Variants in AMPD1 observed in about 807,000 individuals in gnomAD.
AMPD1 encodes adenosine monophosphate deaminase 1, also known as AMP deaminase 1.
Under a neutral mutation model 82.9 loss-of-function variants are expected in AMPD1, and 74 were observed. That is an observed-to-expected ratio of 0.89 (90% CI 0.74 to 1.08). AMPD1 has a LOEUF of 1.08. Among genes scored for constraint, AMPD1 ranks in the 50% least tolerant of loss-of-function variants. The probability of loss-of-function intolerance (pLI) is 0.00; values close to 1 mark genes in which losing one functional copy is unlikely to be tolerated. For synonymous variants in AMPD1, 333 were observed against 320.5 expected, an observed-to-expected ratio of 1.04 and a Z score of -0.42; for missense variants, 881 against 924.5, an observed-to-expected ratio of 0.95 and a Z score of 0.61.
intron 4 of AMPD1, 42 bp from the exon 5 acceptor site, chr1:114,684,406 C>T (rs769079329): frequency 2.7e-5 from 44 of 1,605,260 alleles, no homozygotes; most frequent in East Asian, 6.7e-5. Flanking sequence ...GTCAATCCCA[C>T]GAAAAACTGA....
chr1:114,679,428 T>C (rs890738273), intron 7 of AMPD1, 151 bp downstream of exon 7: 2 of 1,154,276 alleles, frequency 1.7e-6, no homozygotes, highest in East Asian at 2.4e-5. Context: ...CCCTAACCCA[T>C]TGGACATAAT....
rs1346874985 is a variant in AMPD1, at chr1:114,680,492, A to G, written c.548-14T>C. 1 of 1,608,622 alleles carries G rather than the reference A, an allele frequency of 6.2e-7. No homozygotes were observed. Among genetic ancestry groups the G allele is most frequent in the African/African-American group, 1.3e-5 (1 of 74,792 alleles). ...GAGGAGTAAAGACTTTTTCAATCAA[A>G]CACAGAGTAATATATTAGCACATAG... is the stretch of plus-strand genomic sequence containing the variant. On this transcript the variant is annotated splice_polypyrimidine_tract_variant and intron_variant, in intron 5 of 15. Coordinates refer to ENST00000520113, the MANE Select transcript of AMPD1 (RefSeq NM_000036.3).
chr1:114,688,766 T>C (rs1570852966), intron 2 of AMPD1, 25 bp from the exon 3 acceptor site: 1 of 1,613,836 alleles, frequency 6.2e-7, no homozygotes. Flanking sequence ...CACATATTAG[T>C]GTTCAAGCCC....
At chr1:114,689,841 A>G (rs922877519) in intron 2 of AMPD1, among the ~76,000 whole-genome samples, 3 of 152,104 alleles carry the variant, frequency 2.0e-5, no homozygotes, top group African/African-American at 7.2e-5. Context: ...AACCAGTGTC[A>G]TCATATAGGA....
At chr1:114,683,271 G>A in intron 5 of AMPD1, 1 of 313,668 alleles carries the variant, frequency 3.2e-6, no homozygotes, top group East Asian at 1.0e-4. Context: ...ACTTGGGCAT[G>A]TGGTGAATAA....
intron 1 of AMPD1, among the ~76,000 whole-genome samples, chr1:114,694,246 C>CA (rs2101729162): frequency 6.6e-6 from 1 of 150,720 alleles, no homozygotes; most frequent in African/African-American, 2.4e-5. Context: ...CAAAAACGAA[C>CA]AAACAAAAAA....
intron 2 of AMPD1, among the ~76,000 whole-genome samples, chr1:114,692,480 G>C (rs1472037052): frequency 7.2e-5 from 11 of 152,126 alleles, no homozygotes; most frequent in Non-Finnish European, 1.6e-4. Context: ...GAGGTCAGGA[G>C]TTCGAGACCA....
intron 14 of AMPD1, 61 bp downstream of exon 14, chr1:114,673,848 T>A: frequency 1.3e-6 from 2 of 1,597,544 alleles, no homozygotes; most frequent in African/African-American, 1.3e-5. Flanking sequence ...GACTTTCAAA[T>A]TCTGGACGGG....
At position 114,675,906 on chromosome 1, in the gene AMPD1, C is replaced by T; in HGVS notation, c.1486G>A (p.Asp496Asn). The T allele has an allele frequency of 6.2e-7, 1 of 1,614,202 alleles. No homozygotes were observed. The highest frequency in any genetic ancestry group is 8.5e-7 in the Non-Finnish European group (1 of 1,180,040). ...TTGAGGAAGACACTGAGTTCTGGGT[C>T]AGCCTGGGGGTTGATGGTGGCCTCA... is the stretch of plus-strand genomic sequence containing the variant. ...VFEATINPQA[D>N]PELSVFLKHI... is the part of the protein sequence containing the mutation. Residue 496 changes from aspartate (D) to asparagine (N), a missense_variant, in exon 11 of 16, where the codon GAC (aspartate) becomes AAC (asparagine). Asp to Asn is a conservative substitution (Grantham distance 23). Coordinates refer to ENST00000520113, the MANE Select transcript of AMPD1 (RefSeq NM_000036.3).
In AMPD1 at chr1:114,687,666, C is replaced by T. The variant is rs145668341; in HGVS notation, c.216-756G>A. On this transcript the variant is annotated intron_variant, in intron 3 of 15. Transcript: ENST00000520113. ...ACTAAAGTGTGGCTGGTAGTGAATC[C>T]TAGAGTGGTTCAAATAAAGGAAAAT... 2.3e-3 allele frequency among the ~76,000 whole-genome samples: 352 copies of T among 152,054 alleles called. 2 individuals carry two copies. Among genetic ancestry groups the T allele is most frequent in the Non-Finnish European group, 2.5e-3 (169 of 67,942 alleles).
intron 3 of AMPD1, 144 bp from the exon 4 acceptor site, chr1:114,687,054 A>G: frequency 1.2e-6 from 1 of 838,900 alleles, no homozygotes; most frequent in East Asian, 2.7e-5. Context: ...ACAGGATCCA[A>G]GCATAGTGGG....
At position 114,678,039 on chromosome 1, in the gene AMPD1, TC is replaced by T; in HGVS notation, c.1094del (p.Gly365AspfsTer18). 1 of 1,613,828 alleles carries T rather than the reference TC, an allele frequency of 6.2e-7. No individual in the cohort carries two copies. Among genetic ancestry groups the T allele is most frequent in the Non-Finnish European group, 8.5e-7 (1 of 1,179,982 alleles). On this transcript the variant is annotated frameshift_variant and splice_region_variant, in exon 9 of 16. Transcript: ENST00000520113. LOFTEE classifies it high-confidence loss of function. ...TATCAAAACGCTGGAAGGTCTGGCG[TC>T]CCTGAATCAGGAAAAAAGAGCAGAG... ...LTVDSLDVHA[G>X]RQTFQRFDKF...
intron 9 of AMPD1, 110 bp from the exon 10 acceptor site, chr1:114,677,624 A>G (rs1658027818): frequency 2.7e-6 from 4 of 1,455,276 alleles, no homozygotes; most frequent in Non-Finnish European, 3.8e-6. Context: ...TGAAAAGGCT[A>G]GGTCCTTAAT....
intron 10 of AMPD1, 137 bp from the exon 11 acceptor site, chr1:114,676,140 T>C: frequency 9.1e-7 from 1 of 1,094,728 alleles, no homozygotes; most frequent in Non-Finnish European, 1.3e-6. Context: ...ATGCTCCTCA[T>C]ACATTCTTTT....
intron 7 of AMPD1, among the ~76,000 whole-genome samples, chr1:114,679,302 G>A (rs1658085053): frequency 6.6e-6 from 1 of 152,156 alleles, no homozygotes; most frequent in Non-Finnish European, 1.5e-5. Flanking sequence ...TTCTAGAATG[G>A]TCATTTTTGA....
intron 6 of AMPD1, 82 bp downstream of exon 6, chr1:114,680,177 C>T (rs547398020): frequency 1.6e-5 from 20 of 1,212,952 alleles, no homozygotes; most frequent in Non-Finnish European, 2.2e-5. Context: ...TACTTAGTCT[C>T]ACTATCAGTA....
chr1:114,686,962 C>T, intron 3 of AMPD1, 52 bp from the exon 4 acceptor site: 1 of 1,562,106 alleles, frequency 6.4e-7, no homozygotes. Context: ...TCAGGCGTTT[C>T]ATTGTGATAG....
At chr1:114,687,033 G>T in intron 3 of AMPD1, 123 bp from the exon 4 acceptor site, 2 of 1,067,950 alleles carry the variant, frequency 1.9e-6, no homozygotes, top group Non-Finnish European at 1.4e-6. Context: ...AAATGTGGTT[G>T]GGTATCAGAA....
At chr1:114,679,143 T>G (rs1658081720) in intron 7 of AMPD1, among the ~76,000 whole-genome samples, 1 of 152,212 alleles carries the variant, frequency 6.6e-6, no homozygotes. Flanking sequence ...GCTCATTTGA[T>G]ATTCACAATC....
Sources: gnomAD v4.1 joint callset for allele counts (sites outside exome capture counted in the v4.1 genomes callset) on GRCh38, gnomAD v4.1.1 for gene constraint, MANE v1.5 for transcripts, NCBI Gene and HGNC (gene_info 2026-07-23, HGNC 2026-07-21) for gene names.